ELOVL7: variants seen among roughly 807,000 people sequenced by gnomAD.
ELOVL7 encodes ELOVL fatty acid elongase 7.
ELOVL7 carries 27 observed loss-of-function variants against 35.7 expected under a neutral mutation model. The observed-to-expected ratio is 0.76, with a 90% CI of 0.56 to 1.04. The LOEUF is 1.04. Ranked by LOEUF, ELOVL7 falls within the 50% of genes least tolerant of loss-of-function variation. The pLI, the probability that ELOVL7 is intolerant of heterozygous loss-of-function variation, is 0.00. For synonymous variants in ELOVL7, 113 were observed against 114.6 expected, an observed-to-expected ratio of 0.99 and a Z score of 0.09; for missense variants, 327 against 340.8, an observed-to-expected ratio of 0.96 and a Z score of 0.32.
chr5:60,815,416 T>C (rs1331357023), intron 1 of ELOVL7, among the ~76,000 whole-genome samples: 1 of 152,178 alleles, frequency 6.6e-6, no homozygotes, highest in Non-Finnish European at 1.5e-5. Flanking sequence ...TCATTTTCCT[T>C]TAGCATCACT....
chr5:60,841,522 C>T (rs996914061), intron 1 of ELOVL7, among the ~76,000 whole-genome samples: 10 of 152,106 alleles, frequency 6.6e-5, no homozygotes, highest in African/African-American at 1.9e-4. Flanking sequence ...CAAGCCTCTC[C>T]ATGCACAGCC....
intron 1 of ELOVL7, among the ~76,000 whole-genome samples, chr5:60,810,091 C>A (rs967428862): frequency 2.6e-5 from 4 of 152,184 alleles, no homozygotes; most frequent in Non-Finnish European, 5.9e-5. Flanking sequence ...ATCTTGCCTG[C>A]CTGCTTTGCA....
At chr5:60,817,947 T>C (rs1250470775) in intron 1 of ELOVL7, among the ~76,000 whole-genome samples, 6 of 151,480 alleles carry the variant, frequency 4.0e-5, no homozygotes, top group Non-Finnish European at 8.8e-5. Flanking sequence ...ACAATCCAAA[T>C]GTCCACCAAT....
intron 3 of ELOVL7, chr5:60,784,335 T>C (rs1025617200): frequency 3.2e-5 from 14 of 436,522 alleles, no homozygotes; most frequent in Non-Finnish European, 5.8e-5. Context: ...GTCTGAAAAG[T>C]CATCATTTCT....
chr5:60,794,547 T>C (rs1268682962), intron 2 of ELOVL7, among the ~76,000 whole-genome samples: 1 of 152,220 alleles, frequency 6.6e-6, no homozygotes, highest in African/African-American at 2.4e-5. Flanking sequence ...CCAGAAATCA[T>C]GGCCAACCAT....
chr5:60,813,911 GTC>G (rs1745377923), intron 1 of ELOVL7, among the ~76,000 whole-genome samples: 1 of 152,062 alleles, frequency 6.6e-6, no homozygotes, highest in Non-Finnish European at 1.5e-5. Flanking sequence ...AAATACGAAG[GTC>G]TCCCTTGTGA....
intron 1 of ELOVL7, among the ~76,000 whole-genome samples, chr5:60,808,701 CCCAA>C (rs1364983558): frequency 1.3e-5 from 2 of 152,010 alleles, no homozygotes; most frequent in African/African-American, 4.8e-5. Flanking sequence ...TTCATAGTCA[CCCAA>C]AATAATAAAC....
chr5:60,837,333 T>TG (rs1746885545), intron 1 of ELOVL7, among the ~76,000 whole-genome samples: 11 of 53,548 alleles, frequency 2.1e-4, no homozygotes, highest in Non-Finnish European at 2.8e-4. Context: ...GAGTGGGGGG[T>TG]GGGGGTGGCG....
chr5:60,842,496 T>TA (rs35647484), intron 1 of ELOVL7, among the ~76,000 whole-genome samples: 7,272 of 139,932 alleles, frequency 0.052, 218 homozygotes, highest in African/African-American at 0.085. Flanking sequence ...CTATTTTTCT[T>TA]AAAAAAAAAA....
At chr5:60,833,816 A>G (rs1457657132) in intron 1 of ELOVL7, among the ~76,000 whole-genome samples, 1 of 152,198 alleles carries the variant, frequency 6.6e-6, no homozygotes, top group Non-Finnish European at 1.5e-5. Context: ...GATAAGGCAT[A>G]AATAGACTTT....
Position 60,767,891 on chromosome 5 carries a change from C to T in ELOVL7, c.268G>A (p.Gly90Ser), listed in dbSNP as rs1742340333. 2 of 1,613,570 alleles carry T rather than the reference C, an allele frequency of 1.2e-6. No homozygotes were observed. Among genetic ancestry groups the T allele is most frequent in the African/African-American group, 1.3e-5 (1 of 74,906 alleles). The change falls in exon 5 of 9, where the codon GGC (glycine) becomes AGC (serine). Residue 90 changes from glycine (G) to serine (S), a missense_variant. Physicochemically the swap from Gly to Ser is moderately conservative, Grantham distance 56. Transcript: ENST00000508821. Reference protein sequence around the residue: ...VYMCYEFVMSGWGIGYSFRCD... With the variant: ...VYMCYEFVMSSWGIGYSFRCD... ...CGAAATGAATAACCTATACCCCAGC[C>T]AGACATCACAAACTGCAAGAGAGCA...
chr5:60,755,449 G>A (rs1265515661), intron 8 of ELOVL7, among the ~76,000 whole-genome samples: 3 of 152,106 alleles, frequency 2.0e-5, no homozygotes, highest in African/African-American at 7.2e-5. Flanking sequence ...ACGAGGTTAG[G>A]AGTTCGAGAC....
intron 1 of ELOVL7, among the ~76,000 whole-genome samples, chr5:60,819,736 A>G (rs1745777286): frequency 1.3e-5 from 2 of 152,218 alleles, no homozygotes; most frequent in South Asian, 4.1e-4. Flanking sequence ...CAGTGAGCCA[A>G]GATCGAGCCA....
chr5:60,780,442 C>G (rs1743178982), intron 3 of ELOVL7, among the ~76,000 whole-genome samples: 1 of 152,072 alleles, frequency 6.6e-6, no homozygotes, highest in Admixed American at 6.5e-5. Flanking sequence ...ATTTTCCTGT[C>G]TTCTTCTCAC....
At chr5:60,843,242 A>C (rs939682413) in intron 1 of ELOVL7, among the ~76,000 whole-genome samples, 1 of 152,128 alleles carries the variant, frequency 6.6e-6, no homozygotes, top group African/African-American at 2.4e-5. Flanking sequence ...GGACAGGTGT[A>C]AAGACCCGCT....
At chr5:60,767,209 C>T (rs1051121412) in intron 5 of ELOVL7, among the ~76,000 whole-genome samples, 1 of 152,070 alleles carries the variant, frequency 6.6e-6, no homozygotes, top group African/African-American at 2.4e-5. Flanking sequence ...ATTTTCCTGC[C>T]TCACCCTCCC....
rs753469558 is a variant in ELOVL7 at position 60,754,685 on chromosome 5, G to A, written c.785C>T (p.Thr262Ile). The A allele has an allele frequency of 1.2e-6, 2 of 1,614,092 alleles. No individual in the cohort carries two copies. Among genetic ancestry groups the A allele is most frequent in the Non-Finnish European group, 1.7e-6 (2 of 1,180,014 alleles). Reference sequence around the variant, plus strand: ...AGTTTTGGGCAACCTCTGACCTTTGGTGTAAGCACGGTACCAAAAATGGAG... The same window carrying A: ...AGTTTTGGGCAACCTCTGACCTTTGATGTAAGCACGGTACCAAAAATGGAG... The part of the protein sequence containing the change: ...LFLHFWYRAY[T>I]KGQRLPKTVK... Residue 262 changes from threonine to isoleucine, a missense_variant, in exon 9 of 9, where the codon ACC becomes ATC. Thr to Ile is a moderately conservative substitution (Grantham distance 89). Coordinates refer to ENST00000508821, the MANE Select transcript of ELOVL7 (RefSeq NM_024930.3).
intron 4 of ELOVL7, 150 bp from the exon 5 acceptor site, chr5:60,768,053 C>T (rs990848749): frequency 5.2e-6 from 3 of 572,202 alleles, no homozygotes; most frequent in Middle Eastern, 2.7e-4. Flanking sequence ...ACAAAATGAA[C>T]ATGCTTGATA....
chr5:60,835,473 G>A (rs925307575), intron 1 of ELOVL7, among the ~76,000 whole-genome samples: 3 of 151,874 alleles, frequency 2.0e-5, no homozygotes, highest in Non-Finnish European at 4.4e-5. Context: ...GTACAGTGGT[G>A]CAATCACAGC....
Sources: gnomAD v4.1 joint callset for allele counts (sites outside exome capture counted in the v4.1 genomes callset) on GRCh38, gnomAD v4.1.1 for gene constraint, MANE v1.5 for transcripts, NCBI Gene and HGNC (gene_info 2026-07-23, HGNC 2026-07-21) for gene names.